The following SUPV3L1 variants were observed in gnomAD, a reference collection of about 807,000 sequenced individuals.
SUPV3L1 encodes the protein ATP-dependent RNA helicase SUPV3L1, mitochondrial.
SUPV3L1 carries 35 observed loss-of-function variants against 70.0 expected under a neutral mutation model. That is an observed-to-expected ratio of 0.50 (90% CI 0.38 to 0.66). SUPV3L1 has a LOEUF of 0.66. Among genes scored for constraint, SUPV3L1 ranks in the 30% least tolerant of loss-of-function variants. SUPV3L1 has a pLI of 0.00. For missense variants in SUPV3L1, 777 were observed against 961.5 expected (o/e 0.81, Z 2.54); for synonymous variants, 364 against 341.9 (o/e 1.06, Z -0.71).
chr10:69,191,795 G>T, intron 6 of SUPV3L1, 29 bp downstream of exon 6: 2 of 1,520,986 alleles, frequency 1.3e-6, no homozygotes, highest in Admixed American at 1.9e-5. Context: ...AGAAACTATG[G>T]TTTGGTATTT....
chr10:69,181,964 C>T lies in SUPV3L1; in HGVS notation c.271+1402C>T, dbSNP rs983876165. 6.7e-5 allele frequency among the ~76,000 whole-genome samples: 10 copies of T among 149,930 alleles called. 1 individual carries two copies. The South Asian group carries it at 1.3e-3, about 19-fold the overall frequency. ...AAATTATAAAAATACATAAAATTTA[C>T]TCTTTTAAGCTTTTTTTTAGTTTTT... On this transcript the variant is annotated intron_variant, in intron 1 of 14. Transcript: ENST00000359655.
At chr10:69,202,046 G>A (rs1277774259) in intron 11 of SUPV3L1, among the ~76,000 whole-genome samples, 2 of 149,066 alleles carry the variant, frequency 1.3e-5, no homozygotes, top group African/African-American at 2.5e-5. Context: ...TCACCATGTT[G>A]GGCAGGATGG....
chr10:69,191,286 A>G (rs543169152), intron 5 of SUPV3L1, among the ~76,000 whole-genome samples: 2 of 143,056 alleles, frequency 1.4e-5, no homozygotes, highest in African/African-American at 5.2e-5. Flanking sequence ...GCTGGAGTGC[A>G]GTGGCATGAT....
At chr10:69,206,796 C>T (rs1306376258) in intron 13 of SUPV3L1, among the ~76,000 whole-genome samples, 7 of 152,138 alleles carry the variant, frequency 4.6e-5, no homozygotes, top group Non-Finnish European at 7.3e-5. Context: ...ATCACAAGGT[C>T]GGGAGTTTGA....
At chr10:69,187,813 T>C (rs1842273427) in intron 4 of SUPV3L1, 57 bp downstream of exon 4, 12 of 1,164,310 alleles carry the variant, frequency 1.0e-5, no homozygotes, top group Non-Finnish European at 1.5e-5. Flanking sequence ...GGATGATTCG[T>C]GGTCATTATT....
At position 69,196,944 on chromosome 10, in the gene SUPV3L1, TTTAA is replaced by T. The variant is rs1385710521; in HGVS notation, c.932-44_932-41del. On this transcript the variant is annotated intron_variant, in intron 7 of 14. Coordinates refer to ENST00000359655, the MANE Select transcript of SUPV3L1 (RefSeq NM_003171.5). Reference sequence around the variant, plus strand: ...CTTTGGCTATGTAAAATGTTGTATATTTAATTATAAATCTTTAAAATTAAGAAAC... The same window carrying T: ...CTTTGGCTATGTAAAATGTTGTATATTTATAAATCTTTAAAATTAAGAAAC... The T allele has an allele frequency of 5.3e-6, 8 of 1,522,500 alleles. No homozygotes were observed. In the African/African-American group the frequency reaches 1.1e-4, roughly 21 times the overall value. 94.3% of individuals were successfully genotyped at this position (1,522,500 alleles called of 1,614,324 possible).
At chr10:69,191,259 T>A (rs970560520) in intron 5 of SUPV3L1, among the ~76,000 whole-genome samples, 1 of 135,800 alleles carries the variant, frequency 7.4e-6, no homozygotes, top group Non-Finnish European at 1.6e-5. Context: ...TTTGAGACAG[T>A]CTTGCTCTGT....
Position 69,191,675 on chromosome 10 carries a change from G to A in SUPV3L1, c.762G>A (p.Val254=). 6.2e-7 allele frequency: 1 copy of A among 1,614,096 alleles called. No homozygotes were observed. The highest frequency in any genetic ancestry group is 1.7e-4 in the Middle Eastern group (1 of 6,060). The change falls in exon 6 of 15, where the codon GTG becomes GTA. Residue 254 remains valine, a synonymous_variant. Coordinates refer to ENST00000359655, the MANE Select transcript of SUPV3L1 (RefSeq NM_003171.5). ...SNAAGVPCDL[V]TGEERVTVQP... is the part of the protein sequence containing the mutation. ...TCTAGGGTGTGCCATGTGACTTGGT[G>A]ACAGGTGAAGAGCGTGTGACAGTTC...
intron 14 of SUPV3L1, 86 bp from the exon 15 acceptor site, chr10:69,208,514 A>G (rs918642772): frequency 2.4e-5 from 32 of 1,348,418 alleles, no homozygotes; most frequent in African/African-American, 4.4e-5. Flanking sequence ...GAATTTATCA[A>G]TGTCATGATG....
At chr10:69,205,149 T>C (rs12218465) in intron 13 of SUPV3L1, among the ~76,000 whole-genome samples, 80,206 of 152,118 alleles carry the variant, frequency 0.53, 23,618 homozygotes, top group Middle Eastern at 0.76. Context: ...AGATCTTCCA[T>C]GTCCAGATGT....
rs199886131 is a variant in SUPV3L1, at chr10:69,180,377, G to T, written c.86G>T (p.Arg29Leu). The change falls in exon 1 of 15, where the codon CGT becomes CTT. Residue 29 changes from arginine (R) to leucine (L), a missense_variant. Transcript: ENST00000359655. ...CGGGCAGCCATCTGCTCTGCCCTTC[G>T]TCCCCACTTTGGGCCCTTTCCCGGG... ...GHRAAICSAL[R>L]PHFGPFPGVL... 52 of 1,614,210 alleles carry T rather than the reference G, an allele frequency of 3.2e-5. No individual in the cohort carries two copies. In the East Asian group the frequency reaches 9.8e-4, roughly 30 times the overall value.
In SUPV3L1 at chr10:69,203,133, C is replaced by T; in HGVS notation, c.1776+90C>T. On this transcript the variant is annotated intron_variant, in intron 13 of 14. Coordinates refer to ENST00000359655, the MANE Select transcript of SUPV3L1 (RefSeq NM_003171.5). ...TTTGTTATTCAAAATAAAATAATTACAAGAGTATTCAGTAATATGAGAGAC... is the reference window on the plus strand; with the variant it reads ...TTTGTTATTCAAAATAAAATAATTATAAGAGTATTCAGTAATATGAGAGAC... 2.2e-6 allele frequency: 3 copies of T among 1,347,536 alleles called. No individual in the cohort carries two copies. In the East Asian group the frequency reaches 7.0e-5, roughly 32 times the overall value. 83.5% of individuals were successfully genotyped at this position (1,347,536 alleles called of 1,614,324 possible).
chr10:69,195,293 G>A (rs369856965), intron 7 of SUPV3L1, 28 bp downstream of exon 7: 55 of 1,565,292 alleles, frequency 3.5e-5, no homozygotes, highest in South Asian at 2.5e-4. Flanking sequence ...TATAAAACCC[G>A]TGCTTTATGA....
intron 14 of SUPV3L1, 22 bp downstream of exon 14, chr10:69,207,963 G>A (rs1842878076): frequency 6.2e-7 from 1 of 1,605,226 alleles, no homozygotes; most frequent in Non-Finnish European, 8.5e-7. Flanking sequence ...TTTCCTTTAT[G>A]TGCTCTCATT....
intron 1 of SUPV3L1, among the ~76,000 whole-genome samples, chr10:69,184,122 G>C (rs1842146266): frequency 2.0e-5 from 3 of 152,046 alleles, no homozygotes; most frequent in African/African-American, 4.8e-5. Flanking sequence ...AAATAAATGT[G>C]ATCTGTCTTT....
rs767927096 is a variant in SUPV3L1 at position 69,187,723 on chromosome 10, G to C, written c.539G>C (p.Arg180Pro). ...FPVLDCKDDLRKISDLRIPPN... is the reference protein window; with the variant it reads ...FPVLDCKDDLPKISDLRIPPN... ...GTGTTGGACTGTAAGGATGATCTAC[G>C]TAAAATCAGTGACTTAAGAATACCA... Residue 180 changes from arginine (R) to proline (P), a missense_variant, in exon 4 of 15, where the codon CGT becomes CCT. Physicochemically the swap from Arg to Pro is moderately radical, Grantham distance 103. Transcript: ENST00000359655. The C allele has an allele frequency of 1.2e-6, 2 of 1,611,370 alleles. No homozygotes were observed. The highest frequency in any genetic ancestry group is 2.7e-5 in the African/African-American group (2 of 74,784).
Position 69,185,570 on chromosome 10 carries a change from C to G in SUPV3L1, c.272-417C>G, listed in dbSNP as rs1219935534. Reference sequence around the variant, plus strand: ...AGGCTGGAGTGCAGTGGGCCCATCTCGGCTCACTGCAAGCTCCGCCTCCCG... The same window carrying G: ...AGGCTGGAGTGCAGTGGGCCCATCTGGGCTCACTGCAAGCTCCGCCTCCCG... On this transcript the variant is annotated intron_variant, in intron 1 of 14. Transcript: ENST00000359655. 2.7e-5 allele frequency among the ~76,000 whole-genome samples: 4 copies of G among 149,810 alleles called. No homozygotes were observed. The South Asian group carries it at 6.3e-4, about 24-fold the overall frequency.
rs531105580 is a variant in SUPV3L1, at chr10:69,202,497, A to G, written c.1577A>G (p.Asp526Gly). The change falls in exon 12 of 15, where the codon GAT (aspartate) becomes GGT (glycine). Residue 526 changes from aspartate (D) to glycine (G), a missense_variant. This residue lies in a region of SUPV3L1 where 619 missense variants were observed against 823.3 expected (regional missense o/e 0.75). Coordinates refer to ENST00000359655, the MANE Select transcript of SUPV3L1 (RefSeq NM_003171.5). ...QIEMFAYHLP[D>G]ATLSNLIDIF... ...GAAATGTTTGCCTACCATCTCCCTG[A>G]TGCAACACTGTCCAATCTCATTGTA... 2 of 1,613,630 alleles carry G rather than the reference A, an allele frequency of 1.2e-6. No individual in the cohort carries two copies. The highest frequency in any genetic ancestry group is 8.5e-7 in the Non-Finnish European group (1 of 1,179,682).
At chr10:69,183,424 A>G (rs1323173395) in intron 1 of SUPV3L1, among the ~76,000 whole-genome samples, 3 of 152,192 alleles carry the variant, frequency 2.0e-5, no homozygotes, top group African/African-American at 7.2e-5. Context: ...CGTGCCTGCA[A>G]TCCCAGCACT....
Sources: gnomAD v4.1 joint callset for allele counts (sites outside exome capture counted in the v4.1 genomes callset) on GRCh38, gnomAD v4.1.1 for gene constraint, gnomAD v4.1.1 regional missense constraint, MANE v1.5 for transcripts, NCBI Gene and HGNC (gene_info 2026-07-23, HGNC 2026-07-21) for gene names.